Variants in MYO9A observed in about 807,000 individuals in gnomAD.
MYO9A encodes the protein myosin IXA, also known as unconventional myosin-IXa.
In MYO9A, 103 loss-of-function variants were observed where a neutral mutation model predicts 293.3. That is an observed-to-expected ratio of 0.35 (90% CI 0.30 to 0.41). The LOEUF (loss-of-function observed/expected upper bound fraction) is 0.41. Among genes scored for constraint, MYO9A ranks in the 10% least tolerant of loss-of-function variants. The probability of loss-of-function intolerance (pLI) is 1.00; values close to 1 mark genes in which losing one functional copy is unlikely to be tolerated. For synonymous variants in MYO9A, 1,001 were observed against 1,035.7 expected, an observed-to-expected ratio of 0.97 and a Z score of 0.64; for missense variants, 2,685 against 3,033.0, an observed-to-expected ratio of 0.89 and a Z score of 2.69.
At chr15:71,864,998 ATTTTGTATTTGGACATT>A (rs1030733397) in intron 32 of MYO9A, among the ~76,000 whole-genome samples, 36 of 152,318 alleles carry the variant, frequency 2.4e-4, no homozygotes, top group African/African-American at 8.4e-4. Flanking sequence ...CAATTGGTCT[ATTTTGTATTTGGACATT>A]TAACCTGTAT....
intron 1 of MYO9A, among the ~76,000 whole-genome samples, chr15:72,058,741 G>A (rs1490553549): frequency 6.6e-6 from 1 of 152,212 alleles, no homozygotes; most frequent in African/African-American, 2.4e-5. Flanking sequence ...TTAGCAGGGT[G>A]TGGTTCAGAA....
At chr15:72,075,113 C>T (rs571026067) in intron 1 of MYO9A, among the ~76,000 whole-genome samples, 87 of 151,892 alleles carry the variant, frequency 5.7e-4, no homozygotes, top group Non-Finnish European at 1.1e-3. Context: ...TATAGGTATG[C>T]GCCACCACGC....
chr15:71,929,044 T>C (rs1256390250), intron 18 of MYO9A, among the ~76,000 whole-genome samples: 1 of 151,276 alleles, frequency 6.6e-6, no homozygotes, highest in East Asian at 1.9e-4. Flanking sequence ...CACTTCAGCC[T>C]GAGTGGCAGA....
chr15:72,023,348 C>T (rs747445905), intron 4 of MYO9A, among the ~76,000 whole-genome samples: 9 of 152,104 alleles, frequency 5.9e-5, no homozygotes, highest in Admixed American at 1.3e-4. Flanking sequence ...ATGGCAGGCA[C>T]GGTGGCTCAC....
intron 41 of MYO9A, 89 bp downstream of exon 41, chr15:71,827,795 A>T (rs2054568758): frequency 7.1e-7 from 1 of 1,400,428 alleles, no homozygotes; most frequent in African/African-American, 1.4e-5. Flanking sequence ...CAGTCAGTAA[A>T]TTCTTAAAAG....
intron 32 of MYO9A, among the ~76,000 whole-genome samples, chr15:71,862,865 C>A (rs2056191883): frequency 6.6e-6 from 1 of 151,600 alleles, no homozygotes; most frequent in African/African-American, 2.4e-5. Context: ...AGCTGTCTTA[C>A]ATGACTCTAA....
At chr15:72,019,500 A>T (rs1428265434) in intron 5 of MYO9A, among the ~76,000 whole-genome samples, 1 of 152,234 alleles carries the variant, frequency 6.6e-6, no homozygotes, top group East Asian at 1.9e-4. Context: ...CCCAAATATA[A>T]TGCAAATAGT....
chr15:71,825,060 TTTAG>T lies in MYO9A; in HGVS notation c.*1516_*1519del, dbSNP rs1477895617. 5 of 152,332 alleles carry T rather than the reference TTTAG, an allele frequency of 3.3e-5. No individual in the cohort carries two copies. The highest frequency in any genetic ancestry group is 4.1e-4 in the South Asian group (2 of 4,824). The allele number at this position is 152,332 out of a possible 1,614,324, so 9.4% of individuals were successfully genotyped here. ...GCATGTAGTAGCAAGACAAGATGCA[TTTAG>T]TAACTTTAAAAATAAACATTTCACA... On this transcript the variant is annotated 3_prime_UTR_variant, in exon 42 of 42. Transcript: ENST00000356056.
chr15:71,887,884 A>T, intron 27 of MYO9A, 120 bp downstream of exon 27: 1 of 509,350 alleles, frequency 2.0e-6, no homozygotes, highest in South Asian at 3.9e-5. Flanking sequence ...ATTGGTAAAT[A>T]AGTTTAATTT....
At chr15:72,057,907 T>G (rs2078766674) in intron 1 of MYO9A, among the ~76,000 whole-genome samples, 1 of 152,166 alleles carries the variant, frequency 6.6e-6, no homozygotes, top group African/African-American at 2.4e-5. Flanking sequence ...CTGAGGTAGG[T>G]TTCTGTTCTC....
intron 32 of MYO9A, among the ~76,000 whole-genome samples, chr15:71,863,497 T>G (rs2056221300): frequency 1.3e-5 from 2 of 152,094 alleles, no homozygotes; most frequent in South Asian, 4.1e-4. Flanking sequence ...TGTTTTACAT[T>G]TTTGTAAATT....
At chr15:72,111,300 G>C (rs1256062414) in intron 1 of MYO9A, among the ~76,000 whole-genome samples, 1 of 151,268 alleles carries the variant, frequency 6.6e-6, no homozygotes, top group Non-Finnish European at 1.5e-5. Context: ...GACCAGCTTG[G>C]TCAATATGGT....
chr15:72,086,535 C>G (rs555974916), intron 1 of MYO9A, among the ~76,000 whole-genome samples: 113 of 152,210 alleles, frequency 7.4e-4, no homozygotes, highest in South Asian at 4.6e-3. Flanking sequence ...AGAGTGCACT[C>G]ACACTGGCAG....
chr15:71,959,208 T>A (rs531554973), intron 14 of MYO9A: 19 of 152,208 alleles, frequency 1.2e-4, no homozygotes, highest in African/African-American at 4.6e-4. Context: ...ATCTAAAAAA[T>A]GGAAACTAGG....
rs2077485134 is a variant in MYO9A at position 72,020,944 on chromosome 15, G to A, written c.1072C>T (p.Pro358Ser). The A allele has an allele frequency of 6.5e-7, 1 of 1,543,122 alleles. No homozygotes were observed. The highest frequency in any genetic ancestry group is 8.7e-7 in the Non-Finnish European group (1 of 1,152,210). The change falls in exon 5 of 42, where the codon CCA (proline) becomes TCA (serine). Residue 358 changes from proline to serine, a missense_variant. Physicochemically the swap from Pro to Ser is moderately conservative, Grantham distance 74. Coordinates refer to ENST00000356056, the MANE Select transcript of MYO9A (RefSeq NM_006901.4). The part of the protein sequence containing the change: ...DERSAFHLKQ[P>S]EEYHYLNQIT... Reference sequence around the variant, plus strand: ...TGATTGAGATAATGATATTCCTCTGGTTGCTTAAGATGGAATGCTGATCTC... The same window carrying A: ...TGATTGAGATAATGATATTCCTCTGATTGCTTAAGATGGAATGCTGATCTC...
At chr15:71,878,480 TTTCTC>T (rs1172658859) in intron 30 of MYO9A, among the ~76,000 whole-genome samples, 2 of 152,172 alleles carry the variant, frequency 1.3e-5, no homozygotes, top group Admixed American at 6.5e-5. Flanking sequence ...GTCTTGAGAA[TTTCTC>T]TTCTAAGTGT....
At chr15:72,105,502 C>CTTTTTTTTTTTT (rs35861022) in intron 1 of MYO9A, among the ~76,000 whole-genome samples, 1 of 89,270 alleles carries the variant, frequency 1.1e-5, no homozygotes, top group Non-Finnish European at 2.1e-5. Flanking sequence ...GCTGGGAAAG[C>CTTTTTTTTTTTT]TTTTTTTTTT....
intron 1 of MYO9A, among the ~76,000 whole-genome samples, chr15:72,110,294 G>A (rs1221960040): frequency 2.0e-5 from 3 of 151,714 alleles, no homozygotes; most frequent in African/African-American, 7.3e-5. Context: ...AAATTAGCTG[G>A]GCACGGTGGC....
intron 1 of MYO9A, among the ~76,000 whole-genome samples, chr15:72,072,668 C>T (rs1192646143): frequency 2.6e-5 from 4 of 152,110 alleles, no homozygotes; most frequent in East Asian, 3.8e-4. Context: ...AATGAAATAC[C>T]AAATATTCTC....
Sources: allele counts gnomAD v4.1 joint callset (sites outside exome capture counted in the v4.1 genomes callset), GRCh38; gene constraint gnomAD v4.1.1; transcripts MANE v1.5; gene names NCBI Gene and HGNC (gene_info 2026-07-23, HGNC 2026-07-21).